Variants in CACNA2D3 observed in about 807,000 individuals in gnomAD.
CACNA2D3 encodes the protein voltage-dependent calcium channel subunit alpha-2/delta-3.
CACNA2D3 carries 60 observed loss-of-function variants against 160.6 expected under a neutral mutation model. That is an observed-to-expected ratio of 0.37 (90% CI 0.30 to 0.46). CACNA2D3 has a LOEUF of 0.46. CACNA2D3 is among the 20% of genes least tolerant of loss of function. The pLI is 1.00. For missense variants in CACNA2D3, 1,205 were observed against 1,365.0 expected (o/e 0.88, Z 1.85); for synonymous variants, 558 against 492.9 (o/e 1.13, Z -1.75).
chr3:54,526,266 G>A (rs371931450), intron 5 of CACNA2D3, among the ~76,000 whole-genome samples: 113 of 151,696 alleles, frequency 7.4e-4, no homozygotes, highest in African/African-American at 2.7e-3. Flanking sequence ...TAATTCTTTG[G>A]ACATATGTAT....
chr3:54,280,148 C>A (rs925530709), intron 2 of CACNA2D3, among the ~76,000 whole-genome samples: 1 of 152,040 alleles, frequency 6.6e-6, no homozygotes, highest in Non-Finnish European at 1.5e-5. Flanking sequence ...GTGGTGCGAT[C>A]TCTGCTCACT....
chr3:54,215,386 A>T (rs576735216), intron 2 of CACNA2D3, among the ~76,000 whole-genome samples: 3 of 152,340 alleles, frequency 2.0e-5, no homozygotes, highest in African/African-American at 4.8e-5. Context: ...AGCATACAAT[A>T]CAGTATTATT....
chr3:54,843,211 C>G (rs1156827291), intron 16 of CACNA2D3, among the ~76,000 whole-genome samples: 3 of 152,120 alleles, frequency 2.0e-5, no homozygotes, highest in Non-Finnish European at 4.4e-5. Context: ...ATCCACCTGC[C>G]TAGCCTCTCA....
At chr3:54,919,880 T>C (rs1411954743) in intron 27 of CACNA2D3, among the ~76,000 whole-genome samples, 1 of 152,182 alleles carries the variant, frequency 6.6e-6, no homozygotes, top group Non-Finnish European at 1.5e-5. Flanking sequence ...TTCTCCATGC[T>C]CAGTCCAAGT....
At chr3:54,852,337 A>G (rs1056427828) in intron 17 of CACNA2D3, among the ~76,000 whole-genome samples, 4 of 152,266 alleles carry the variant, frequency 2.6e-5, no homozygotes, top group African/African-American at 9.6e-5. Context: ...CATGGAGGCC[A>G]GTGGGTGGAA....
intron 4 of CACNA2D3, among the ~76,000 whole-genome samples, chr3:54,458,179 A>G (rs1247897961): frequency 6.6e-6 from 1 of 152,038 alleles, no homozygotes; most frequent in Admixed American, 6.6e-5. Flanking sequence ...CTCATTGCTT[A>G]TCATTGCAGT....
intron 5 of CACNA2D3, among the ~76,000 whole-genome samples, chr3:54,543,776 T>G (rs566728152): frequency 3.0e-4 from 46 of 152,354 alleles, no homozygotes; most frequent in Non-Finnish European, 6.5e-4. Flanking sequence ...GTCTTTCTCT[T>G]TGGCACAATT....
chr3:54,756,004 T>A (rs1449110877), intron 12 of CACNA2D3, among the ~76,000 whole-genome samples: 1 of 152,220 alleles, frequency 6.6e-6, no homozygotes, highest in Non-Finnish European at 1.5e-5. Flanking sequence ...AGTCATTGTT[T>A]ATAAGAATCT....
At chr3:54,996,634 G>C (rs1702864528) in intron 31 of CACNA2D3, among the ~76,000 whole-genome samples, 1 of 152,140 alleles carries the variant, frequency 6.6e-6, no homozygotes, top group Admixed American at 6.5e-5. Context: ...CTGCTCTCCA[G>C]GACAATGGGA....
intron 8 of CACNA2D3, among the ~76,000 whole-genome samples, chr3:54,581,222 G>T (rs77218009): frequency 0.012 from 1,800 of 152,146 alleles, 36 homozygotes; most frequent in African/African-American, 0.042. Flanking sequence ...TAAAAAGTGT[G>T]GGGGGGTCCT....
At chr3:55,052,029 G>A (rs1044059728) in intron 35 of CACNA2D3, among the ~76,000 whole-genome samples, 20 of 152,116 alleles carry the variant, frequency 1.3e-4, no homozygotes, top group Non-Finnish European at 2.6e-4. Flanking sequence ...AGATGAACCC[G>A]GTACCTCAGA....
At chr3:54,133,672 G>A (rs1270115977) in intron 2 of CACNA2D3, among the ~76,000 whole-genome samples, 1 of 152,180 alleles carries the variant, frequency 6.6e-6, no homozygotes, top group Non-Finnish European at 1.5e-5. Context: ...CTCCCTTTTT[G>A]TCATAATAAA....
chr3:54,624,642 A>G (rs1699057609), intron 9 of CACNA2D3, among the ~76,000 whole-genome samples: 1 of 152,184 alleles, frequency 6.6e-6, no homozygotes, highest in Admixed American at 6.5e-5. Context: ...AAAAAGAAAA[A>G]AATGCTGTGT....
chr3:54,471,986 C>T (rs767080548), intron 4 of CACNA2D3, among the ~76,000 whole-genome samples: 5 of 151,992 alleles, frequency 3.3e-5, no homozygotes, highest in Non-Finnish European at 7.4e-5. Flanking sequence ...GAGTTGGTAC[C>T]ATTCCTTCTG....
At chr3:54,160,198 A>G (rs1316180773) in intron 2 of CACNA2D3, among the ~76,000 whole-genome samples, 1 of 152,230 alleles carries the variant, frequency 6.6e-6, no homozygotes, top group Non-Finnish European at 1.5e-5. Flanking sequence ...CCCTAGGTCC[A>G]TTAAATCAGT....
At chr3:54,776,838 C>A (rs1269286031) in intron 13 of CACNA2D3, among the ~76,000 whole-genome samples, 3 of 152,160 alleles carry the variant, frequency 2.0e-5, no homozygotes, top group Non-Finnish European at 4.4e-5. Flanking sequence ...TAGACTATCC[C>A]TGCTGTGTGG....
At position 54,150,324 on chromosome 3, in the gene CACNA2D3, T is replaced by C. The variant is rs1700124603; in HGVS notation, c.204+26730T>C. ...TAAACTTTGGGAAATACTTAGGGGA[T>C]TTTGAAGGAAAAATATAATGAAAAT... On this transcript the variant is annotated intron_variant, in intron 2 of 37. Transcript: ENST00000474759. 2.6e-5 allele frequency among the ~76,000 whole-genome samples: 4 copies of C among 152,190 alleles called. No individual in the cohort carries two copies. In the South Asian group the frequency reaches 8.3e-4, roughly 32 times the overall value.
chr3:54,659,235 G>A (rs925666245), intron 11 of CACNA2D3, among the ~76,000 whole-genome samples: 2 of 152,164 alleles, frequency 1.3e-5, no homozygotes, highest in Admixed American at 6.5e-5. Context: ...TGTGAGCTGG[G>A]CACTGCGTTT....
intron 34 of CACNA2D3, among the ~76,000 whole-genome samples, chr3:55,012,224 G>A (rs1209990058): frequency 6.6e-6 from 1 of 152,146 alleles, no homozygotes; most frequent in Non-Finnish European, 1.5e-5. Flanking sequence ...TGTGAGAGGT[G>A]AATTAAGCAA....
Sources: allele counts gnomAD v4.1 joint callset (sites outside exome capture counted in the v4.1 genomes callset), GRCh38; gene constraint gnomAD v4.1.1; transcripts MANE v1.5; gene names NCBI Gene and HGNC (gene_info 2026-07-23, HGNC 2026-07-21).